The following ARHGEF12 variants were observed in gnomAD, a reference collection of about 807,000 sequenced individuals.
ARHGEF12 encodes the protein Rho guanine nucleotide exchange factor 12, also known as KMT2A/ARHGEF12 fusion protein.
ARHGEF12 carries 66 observed loss-of-function variants against 211.2 expected under a neutral mutation model. The ratio of observed to expected loss-of-function variants is 0.31; its 90% CI spans 0.26 to 0.38. ARHGEF12 has a LOEUF of 0.38. Among genes scored for constraint, ARHGEF12 ranks in the 10% least tolerant of loss-of-function variants. The pLI, the probability that ARHGEF12 is intolerant of heterozygous loss-of-function variation, is 1.00. For synonymous variants in ARHGEF12, 592 were observed against 638.4 expected (o/e 0.93, Z 1.09); for missense variants, 1,429 against 1,869.5 (o/e 0.76, Z 4.34).
chr11:120,437,984 G>A (rs1945746904), intron 12 of ARHGEF12, among the ~76,000 whole-genome samples: 1 of 152,122 alleles, frequency 6.6e-6, no homozygotes, highest in Non-Finnish European at 1.5e-5. Context: ...TTTGTCAGTG[G>A]GTACTTAGAT....
intron 15 of ARHGEF12, 43 bp downstream of exon 15, chr11:120,442,245 G>C (rs1434413833): frequency 3.5e-6 from 5 of 1,445,614 alleles, no homozygotes; most frequent in Non-Finnish European, 3.8e-6. Flanking sequence ...CTTAGTACAT[G>C]GAATTATTGT....
chr11:120,454,594 G>A (rs1946309400), intron 22 of ARHGEF12, among the ~76,000 whole-genome samples: 1 of 152,184 alleles, frequency 6.6e-6, no homozygotes, highest in Admixed American at 6.5e-5. Context: ...CTCCAGAGCA[G>A]CTTAGCTGCG....
At chr11:120,396,213 T>C (rs1026364431) in intron 1 of ARHGEF12, among the ~76,000 whole-genome samples, 1 of 152,016 alleles carries the variant, frequency 6.6e-6, no homozygotes, top group Non-Finnish European at 1.5e-5. Flanking sequence ...AAAATAAACA[T>C]ACATGAGCCC....
At chr11:120,387,147 G>A (rs1944058739) in intron 1 of ARHGEF12, among the ~76,000 whole-genome samples, 1 of 151,516 alleles carries the variant, frequency 6.6e-6, no homozygotes, top group South Asian at 2.1e-4. Flanking sequence ...TTCACATATG[G>A]TCTATGGAAA....
intron 29 of ARHGEF12, among the ~76,000 whole-genome samples, chr11:120,468,761 G>A (rs768280694): frequency 5.8e-4 from 88 of 152,160 alleles, no homozygotes; most frequent in African/African-American, 1.9e-3. Context: ...GCCTCAATAC[G>A]TTTTGATGAA....
intron 21 of ARHGEF12, chr11:120,451,008 CTT>C (rs1216641812): frequency 6.6e-6 from 1 of 152,364 alleles, no homozygotes; most frequent in Non-Finnish European, 1.5e-5. Flanking sequence ...CTTCCTCTCC[CTT>C]TCTCTCTTTT....
At chr11:120,407,413 CTG>C (rs1591552127) in intron 2 of ARHGEF12, among the ~76,000 whole-genome samples, 1 of 152,222 alleles carries the variant, frequency 6.6e-6, no homozygotes, top group South Asian at 2.1e-4. Context: ...CTTTTAGGCA[CTG>C]TGTTTTTTTT....
chr11:120,446,556 T>C, intron 17 of ARHGEF12, 48 bp downstream of exon 17: 2 of 1,456,694 alleles, frequency 1.4e-6, no homozygotes, highest in Non-Finnish European at 1.9e-6. Context: ...CTAAATTAAT[T>C]TTTTTAGTTA....
At chr11:120,437,712 G>T (rs866652175) in intron 12 of ARHGEF12, among the ~76,000 whole-genome samples, 8 of 152,064 alleles carry the variant, frequency 5.3e-5, no homozygotes, top group African/African-American at 1.9e-4. Context: ...TTGGTACCCG[G>T]TAAACACTAA....
chr11:120,449,145 G>A lies in ARHGEF12; in HGVS notation c.1774G>A (p.Gly592Arg), dbSNP rs1217859223. ...GAAAGATAAAGAAGGGGAAGAAAAA[G>A]GGAAGCGAAGAGGATTCCCCAGCAT... ...MKKDKEGEEK[G>R]KRRGFPSILG... The change falls in exon 21 of 41, where the codon GGG becomes AGG. Residue 592 changes from glycine (G) to arginine (R), a missense_variant. Gly to Arg is a moderately radical substitution (Grantham distance 125). This residue lies in a region of ARHGEF12 where 373 missense variants were observed against 467.5 expected (regional missense o/e 0.80). Coordinates refer to ENST00000397843, the MANE Select transcript of ARHGEF12 (RefSeq NM_015313.3). 1 of 1,614,122 alleles carries A rather than the reference G, an allele frequency of 6.2e-7. No homozygotes were observed. The highest frequency in any genetic ancestry group is 1.7e-5 in the Admixed American group (1 of 60,024).
chr11:120,446,957 T>C lies in ARHGEF12; in HGVS notation c.1461T>C (p.Arg487=). 1 of 1,613,582 alleles carries C rather than the reference T, an allele frequency of 6.2e-7. No homozygotes were observed. Among genetic ancestry groups the C allele is most frequent in the Non-Finnish European group, 8.5e-7 (1 of 1,179,844 alleles). The change falls in exon 18 of 41, where the codon CGT becomes CGC. Residue 487 remains arginine (R), a synonymous_variant. Transcript: ENST00000397843. ...QRHLEDFRQK[R]SMGLTLAESE... is the part of the protein sequence containing the mutation. ...TCTCTATTCCCTTCAGGCAGAAACG[T>C]AGTATGGGACTGACCTTGGCTGAAA...
At chr11:120,346,720 T>A (rs1453620704) in intron 1 of ARHGEF12, among the ~76,000 whole-genome samples, 1 of 152,160 alleles carries the variant, frequency 6.6e-6, no homozygotes, top group Non-Finnish European at 1.5e-5. Context: ...TAGTGGGAAA[T>A]TCAAACATAA....
chr11:120,415,127 G>A (rs1473703074), intron 4 of ARHGEF12, among the ~76,000 whole-genome samples: 1 of 152,092 alleles, frequency 6.6e-6, no homozygotes, highest in Non-Finnish European at 1.5e-5. Context: ...TGGACTATAT[G>A]AGTTGTAGAA....
rs187768899 is a variant in ARHGEF12 at position 120,400,931 on chromosome 11, G to C, written c.33-5187G>C. The stretch of plus-strand genomic sequence containing the variant: ...TTTTGCACCAGAACTGAGCTCTTTG[G>C]TCCCTGCCTGTCTGTGGTTTGTGTT... On this transcript the variant is annotated intron_variant, in intron 1 of 40. Coordinates refer to ENST00000397843, the MANE Select transcript of ARHGEF12 (RefSeq NM_015313.3). Among the ~76,000 whole-genome samples the C allele has an allele frequency of 3.3e-4, 50 of 152,218 alleles. 1 individual carries two copies. Among genetic ancestry groups the C allele is most frequent in the African/African-American group, 1.2e-3 (49 of 41,516 alleles).
At position 120,485,217 on chromosome 11, in the gene ARHGEF12, C is replaced by A; in HGVS notation, c.*140C>A. The A allele has an allele frequency of 9.6e-7, 1 of 1,040,786 alleles. No individual in the cohort carries two copies. Among genetic ancestry groups the A allele is most frequent in the South Asian group, 1.4e-5 (1 of 69,240 alleles). The allele number at this position is 1,040,786 out of a possible 1,614,324, so 64.5% of individuals were successfully genotyped here. On this transcript the variant is annotated 3_prime_UTR_variant, in exon 41 of 41. Coordinates refer to ENST00000397843, the MANE Select transcript of ARHGEF12 (RefSeq NM_015313.3). ...GAACCACCTGGGATTAGTCAAGTCC[C>A]AAGGTGCCCAGAGTGGGACTAGTTC...
intron 8 of ARHGEF12, among the ~76,000 whole-genome samples, chr11:120,428,653 A>G (rs1945429737): frequency 6.6e-6 from 1 of 152,232 alleles, no homozygotes; most frequent in Non-Finnish European, 1.5e-5. Flanking sequence ...AGTCAAGAGT[A>G]TACAAGTAAC....
At chr11:120,402,688 G>GT (rs1237870899) in intron 1 of ARHGEF12, among the ~76,000 whole-genome samples, 1 of 152,116 alleles carries the variant, frequency 6.6e-6, no homozygotes, top group Non-Finnish European at 1.5e-5. Context: ...AGAGAAAAGG[G>GT]TATGAATTAA....
intron 1 of ARHGEF12, among the ~76,000 whole-genome samples, chr11:120,390,430 G>A (rs948251314): frequency 8.5e-5 from 13 of 152,134 alleles, no homozygotes; most frequent in Non-Finnish European, 1.0e-4. Flanking sequence ...GGAATGAGTG[G>A]TTTGCAGGAA....
chr11:120,371,188 A>G (rs1290675381), intron 1 of ARHGEF12, among the ~76,000 whole-genome samples: 1 of 152,234 alleles, frequency 6.6e-6, no homozygotes, highest in Non-Finnish European at 1.5e-5. Flanking sequence ...ATAGACATTT[A>G]TTAAAACTGT....
Sources: allele counts gnomAD v4.1 joint callset (sites outside exome capture counted in the v4.1 genomes callset), GRCh38; gene constraint gnomAD v4.1.1; regional missense constraint gnomAD v4.1.1; transcripts MANE v1.5; gene names NCBI Gene and HGNC (gene_info 2026-07-23, HGNC 2026-07-21).